MINDY4B: variants seen among roughly 807,000 people sequenced by gnomAD.
The protein encoded by MINDY4B is MINDY family member 4B.
A neutral mutation model predicts 16.7 loss-of-function variants in MINDY4B; 25 were observed. That is an observed-to-expected ratio of 1.49 (90% CI 1.09 to 2.09). The LOEUF (loss-of-function observed/expected upper bound fraction) is 2.09. Ranked by LOEUF, MINDY4B falls within the 30% of genes most tolerant of loss-of-function variation. The probability of loss-of-function intolerance (pLI) is 0.00; values close to 1 mark genes in which losing one functional copy is unlikely to be tolerated. For missense variants in MINDY4B, 327 were observed against 168.4 expected, an observed-to-expected ratio of 1.94 and a Z score of -5.21; for synonymous variants, 132 against 61.9, an observed-to-expected ratio of 2.13 and a Z score of -5.32.
intron 7 of MINDY4B, among the ~76,000 whole-genome samples, 152 bp downstream of exon 7, chr3:150,890,168 A>T (rs1167454773): frequency 6.6e-6 from 1 of 152,194 alleles, no homozygotes; most frequent in Admixed American, 6.5e-5. Flanking sequence ...GAAGAGGCAG[A>T]TCTTTTTTGT....
At chr3:150,898,843 C>A (rs961355819) in intron 3 of MINDY4B, among the ~76,000 whole-genome samples, 1 of 152,160 alleles carries the variant, frequency 6.6e-6, no homozygotes, top group Non-Finnish European at 1.5e-5. Context: ...TTCTTTCCAA[C>A]AGGGTTAATG....
intron 7 of MINDY4B, 116 bp from the exon 8 acceptor site, chr3:150,885,554 A>G (rs955373722): frequency 3.0e-6 from 2 of 661,840 alleles, no homozygotes; most frequent in East Asian, 2.7e-5. Context: ...CTGGCTGCTG[A>G]AAGGAATGAG....
At chr3:150,891,468 T>G (rs1444664115) in intron 5 of MINDY4B, among the ~76,000 whole-genome samples, 1 of 148,642 alleles carries the variant, frequency 6.7e-6, no homozygotes, top group Admixed American at 6.8e-5. Flanking sequence ...GATACAGAAA[T>G]GAGTAACAAA....
intron 1 of MINDY4B, 112 bp from the exon 2 acceptor site, chr3:150,905,201 A>G (rs919101288): frequency 2.5e-6 from 1 of 398,322 alleles, no homozygotes; most frequent in East Asian, 3.6e-5. Flanking sequence ...ACGAATAGTT[A>G]TGCCTGAAGC....
rs36086608 is a variant in MINDY4B at position 150,892,940 on chromosome 3, C to CAA, written c.521+382_521+383dup. Among the ~76,000 whole-genome samples the CAA allele has an allele frequency of 3.9e-3, 544 of 138,990 alleles. 2 individuals carry two copies. The highest frequency in any genetic ancestry group is 0.015 in the Middle Eastern group (4 of 268). 91.2% of individuals were successfully genotyped at this position (138,990 alleles called of 152,430 possible). On this transcript the variant is annotated intron_variant, in intron 5 of 11. Transcript: ENST00000465419. ...TGGGGACAAGAGTGAGACTTTGTTG[C>CAA]AAAAAAAAAAAAAATGGAGGATTGA...
chr3:150,887,896 CAGG>C (rs1711668036), intron 7 of MINDY4B, among the ~76,000 whole-genome samples: 1 of 152,076 alleles, frequency 6.6e-6, no homozygotes, highest in South Asian at 2.1e-4. Flanking sequence ...ATCACGAGGT[CAGG>C]AGATCGAGAC....
At position 150,903,891 on chromosome 3, in the gene MINDY4B, T is replaced by TA. The variant is rs78651475; in HGVS notation, c.142-476dup. ...AGTGAGTATAATCGTTCTTTTTCCT[T>TA]AAAAAAAATCCACCGTCTACCTTTA... is the stretch of plus-strand genomic sequence containing the variant. On this transcript the variant is annotated intron_variant, in intron 2 of 11. Transcript: ENST00000465419. Among the ~76,000 whole-genome samples, 99 of 152,164 alleles carry TA rather than the reference T, an allele frequency of 6.5e-4. 1 individual carries two copies. Among genetic ancestry groups the TA allele is most frequent in the Admixed American group, 9.2e-4 (14 of 15,286 alleles).
chr3:150,884,049 C>T (rs967851382), intron 8 of MINDY4B, among the ~76,000 whole-genome samples: 3 of 152,192 alleles, frequency 2.0e-5, no homozygotes, highest in African/African-American at 7.2e-5. Flanking sequence ...ATGCTGGACT[C>T]AGTAGAGAAG....
intron 7 of MINDY4B, 30 bp from the exon 8 acceptor site, chr3:150,885,468 G>T: frequency 1.8e-6 from 1 of 542,914 alleles, no homozygotes; most frequent in Non-Finnish European, 3.3e-6. Flanking sequence ...AAAGCATGTT[G>T]GTCTAAAAGC....
chr3:150,890,121 C>A (rs1711759681), intron 7 of MINDY4B, among the ~76,000 whole-genome samples, 199 bp downstream of exon 7: 2 of 152,118 alleles, frequency 1.3e-5, no homozygotes, highest in African/African-American at 4.8e-5. Flanking sequence ...GTGAGTGGGT[C>A]TGTGTGTGAT....
Position 150,903,392 on chromosome 3 carries a change from C to T in MINDY4B, c.166G>A (p.Ala56Thr), listed in dbSNP as rs1391174106. The T allele has an allele frequency of 7.5e-6, 3 of 398,452 alleles. No individual in the cohort carries two copies. The highest frequency in any genetic ancestry group is 3.6e-5 in the East Asian group (1 of 28,080). The allele number at this position is 398,452 out of a possible 1,614,324, so 24.7% of individuals were successfully genotyped here. A position where few individuals can be genotyped will look rare whatever the true frequency, so the allele number is the denominator to read the frequency against. The change falls in exon 3 of 12, where the codon GCT becomes ACT. Residue 56 changes from alanine (A) to threonine (T), a missense_variant. By Grantham distance (58) the Ala-to-Thr change is moderately conservative. Transcript: ENST00000465419. ...CCTGTTCCATCTTCATTTTCATCAGCAGATGTATGGTTGCCTTCATGATTC... is the reference window on the plus strand; with the variant it reads ...CCTGTTCCATCTTCATTTTCATCAGTAGATGTATGGTTGCCTTCATGATTC... ...PQNHEGNHTS[A>T]DENEDGTGLS...
At chr3:150,878,029 A>G (rs1393939734) in intron 10 of MINDY4B, among the ~76,000 whole-genome samples, 1 of 152,002 alleles carries the variant, frequency 6.6e-6, no homozygotes, top group Non-Finnish European at 1.5e-5. Context: ...GCTTTGGGTA[A>G]GTCCCCATAC....
At position 150,876,745 on chromosome 3, in the gene MINDY4B, G is replaced by A. The variant is rs936880066; in HGVS notation, c.1060-3378C>T. ...GTGTGCTGCCAGGGCTGCCGTAGGA[G>A]TAATTCTGGCAAGACCTAAATGGCT... On this transcript the variant is annotated intron_variant, in intron 10 of 11. Coordinates refer to ENST00000465419, the MANE Select transcript of MINDY4B (RefSeq NM_001351281.2). Among the ~76,000 whole-genome samples, 3 of 152,182 alleles carry A rather than the reference G, an allele frequency of 2.0e-5. No homozygotes were observed. In the South Asian group the frequency reaches 6.2e-4, roughly 32 times the overall value.
chr3:150,886,917 C>T (rs1034590503), intron 7 of MINDY4B, among the ~76,000 whole-genome samples: 17 of 152,212 alleles, frequency 1.1e-4, no homozygotes, highest in African/African-American at 3.9e-4. Flanking sequence ...AGTAGTCTCC[C>T]TTATCCATGG....
At chr3:150,875,836 A>T (rs1343639927) in intron 10 of MINDY4B, among the ~76,000 whole-genome samples, 1 of 152,220 alleles carries the variant, frequency 6.6e-6, no homozygotes, top group Non-Finnish European at 1.5e-5. Context: ...AGTTGAGAAC[A>T]CATCTGGTTT....
Position 150,890,342 on chromosome 3 carries a change from A to T in MINDY4B, c.731T>A (p.Phe244Tyr). The change falls in exon 7 of 12, where the codon TTC (phenylalanine) becomes TAC (tyrosine). Residue 244 changes from phenylalanine to tyrosine, a missense_variant. Transcript: ENST00000465419. ...EFLEKEAAEKFIYDHLLCFRG... is the reference protein window; with the variant it reads ...EFLEKEAAEKYIYDHLLCFRG... ...TACACATAGTAAGTGATCGTAGATG[A>T]ATTTCTCAGCGGCTTCTTTCTCTAA... 1 of 633,012 alleles carries T rather than the reference A, an allele frequency of 1.6e-6. No homozygotes were observed. The highest frequency in any genetic ancestry group is 2.8e-6 in the Non-Finnish European group (1 of 358,416). The allele number at this position is 633,012 out of a possible 1,614,324, so 39.2% of individuals were successfully genotyped here.
intron 2 of MINDY4B, among the ~76,000 whole-genome samples, chr3:150,903,859 C>A (rs1712175650): frequency 6.6e-6 from 1 of 152,032 alleles, no homozygotes; most frequent in South Asian, 2.1e-4. Context: ...ATTCCTACTC[C>A]CCAACAAGTG....
chr3:150,892,904 C>T (rs1028804925), intron 5 of MINDY4B, among the ~76,000 whole-genome samples: 104 of 150,972 alleles, frequency 6.9e-4, no homozygotes, highest in African/African-American at 2.3e-3. Flanking sequence ...CATGCCATTG[C>T]ACTCCAGCCT....
intron 5 of MINDY4B, among the ~76,000 whole-genome samples, chr3:150,891,625 G>T (rs1047880511): frequency 1.1e-4 from 17 of 151,976 alleles, no homozygotes; most frequent in African/African-American, 3.9e-4. Flanking sequence ...AGCTGGGCAT[G>T]GTGGCAGGCG....
Sources: allele counts gnomAD v4.1 joint callset (sites outside exome capture counted in the v4.1 genomes callset), GRCh38; gene constraint gnomAD v4.1.1; transcripts MANE v1.5; gene names NCBI Gene and HGNC (gene_info 2026-07-23, HGNC 2026-07-21).